Variants in NRXN1 observed in about 807,000 individuals in gnomAD.
The protein encoded by NRXN1 is neurexin 1, also known as neurexin-1.
Under a neutral mutation model 150.9 loss-of-function variants are expected in NRXN1, and 39 were observed. The observed-to-expected ratio is 0.26, with a 90% CI of 0.20 to 0.34. NRXN1 has a LOEUF of 0.34. Among genes scored for constraint, NRXN1 ranks in the 10% least tolerant of loss-of-function variants. The pLI is 1.00. For missense variants in NRXN1, 1,815 were observed against 1,949.9 expected (o/e 0.93, Z 1.30); for synonymous variants, 924 against 757.0 (o/e 1.22, Z -3.62).
chr2:50,849,525 C>G (rs1330272851), intron 5 of NRXN1, among the ~76,000 whole-genome samples: 3 of 152,160 alleles, frequency 2.0e-5, no homozygotes, highest in Non-Finnish European at 4.4e-5. Flanking sequence ...GGATGACCAA[C>G]GTTACCCAAT....
chr2:50,413,332 A>T (rs1042415439), intron 17 of NRXN1, among the ~76,000 whole-genome samples: 14 of 152,348 alleles, frequency 9.2e-5, no homozygotes, highest in African/African-American at 3.1e-4. Context: ...CATATGAAAA[A>T]GTGTTCAATA....
chr2:50,410,461 C>G (rs1263140835), intron 17 of NRXN1, among the ~76,000 whole-genome samples: 1 of 152,160 alleles, frequency 6.6e-6, no homozygotes, highest in African/African-American at 2.4e-5. Flanking sequence ...AATGCATGTT[C>G]TCATATGTGT....
chr2:50,910,583 C>T lies in NRXN1; in HGVS notation c.832+11286G>A, dbSNP rs866455029. ...CATCTTTCATGTACCAAGCTCTACC[C>T]TTAATTCAAAACTGAAAATATCAAA... is the stretch of plus-strand genomic sequence containing the variant. On this transcript the variant is annotated intron_variant, in intron 5 of 22. Coordinates refer to ENST00000401669, the MANE Select transcript of NRXN1 (RefSeq NM_001330078.2). Among the ~76,000 whole-genome samples, 7 of 152,016 alleles carry T rather than the reference C, an allele frequency of 4.6e-5. No individual in the cohort carries two copies. The South Asian group carries it at 1.4e-3, about 31-fold the overall frequency.
intron 5 of NRXN1, among the ~76,000 whole-genome samples, chr2:50,804,791 T>C (rs573281553): frequency 2.0e-5 from 3 of 152,224 alleles, no homozygotes; most frequent in African/African-American, 7.2e-5. Context: ...TCTGCAGCTA[T>C]GCTATTTCTT....
At chr2:50,092,894 G>A (rs768782982) in intron 18 of NRXN1, among the ~76,000 whole-genome samples, 6 of 151,906 alleles carry the variant, frequency 3.9e-5, no homozygotes, top group Non-Finnish European at 8.8e-5. Context: ...TAGGCTTGAC[G>A]GATGGTTTAA....
intron 18 of NRXN1, among the ~76,000 whole-genome samples, chr2:50,160,186 TG>T (rs1296300557): frequency 6.0e-5 from 6 of 100,258 alleles, no homozygotes; most frequent in Non-Finnish European, 9.7e-5. Flanking sequence ...CAAGGATATA[TG>T]ATTTTTTCTT....
intron 5 of NRXN1, among the ~76,000 whole-genome samples, chr2:50,651,260 C>G (rs886586462): frequency 2.0e-5 from 3 of 151,736 alleles, no homozygotes; most frequent in African/African-American, 7.3e-5. Context: ...TCTGGCCATC[C>G]TGAAAAATAA....
At chr2:50,335,110 C>A (rs2077095450) in intron 17 of NRXN1, among the ~76,000 whole-genome samples, 1 of 151,982 alleles carries the variant, frequency 6.6e-6, no homozygotes, top group African/African-American at 2.4e-5. Flanking sequence ...ATACACAGTC[C>A]CCAAAAGAAC....
chr2:50,563,278 T>C (rs1416883457), intron 8 of NRXN1, among the ~76,000 whole-genome samples: 1 of 152,240 alleles, frequency 6.6e-6, no homozygotes, highest in Non-Finnish European at 1.5e-5. Context: ...ATTTGCAAAG[T>C]TATAACGCAT....
chr2:50,437,843 G>A (rs913837288), intron 17 of NRXN1, among the ~76,000 whole-genome samples: 1 of 152,130 alleles, frequency 6.6e-6, no homozygotes. Context: ...CATCCTCTGA[G>A]CCAGAAACTG....
chr2:50,065,038 A>G lies in NRXN1; in HGVS notation c.3719-9994T>C, dbSNP rs74342243. On this transcript the variant is annotated intron_variant, in intron 19 of 22. Transcript: ENST00000401669. ...GACTAGACCAGACAGTAAAGCTACA[A>G]TTAAGTTTCATGCATGCTGGGAAAT... Among the ~76,000 whole-genome samples, 505 of 152,314 alleles carry G rather than the reference A, an allele frequency of 3.3e-3. 4 individuals are homozygous for G. The highest frequency in any genetic ancestry group is 5.9e-3 in the Non-Finnish European group (403 of 68,008).
chr2:49,925,527 C>G (rs888461148), intron 22 of NRXN1, among the ~76,000 whole-genome samples: 6 of 151,302 alleles, frequency 4.0e-5, no homozygotes, highest in African/African-American at 1.5e-4. Context: ...ATAATTTGTT[C>G]AAAATTTATA....
At chr2:50,082,650 T>G (rs1226714484) in intron 19 of NRXN1, among the ~76,000 whole-genome samples, 12 of 152,210 alleles carry the variant, frequency 7.9e-5, no homozygotes, top group Admixed American at 7.9e-4. Flanking sequence ...TGTTTCAAAA[T>G]ATATTTAACT....
intron 18 of NRXN1, among the ~76,000 whole-genome samples, chr2:50,159,404 T>A (rs914663915): frequency 6.6e-6 from 1 of 152,134 alleles, no homozygotes; most frequent in Non-Finnish European, 1.5e-5. Context: ...TGTTCTATCA[T>A]TGGAAGAACT....
chr2:50,994,479 G>C (rs1698988220), intron 2 of NRXN1, among the ~76,000 whole-genome samples: 1 of 152,020 alleles, frequency 6.6e-6, no homozygotes, highest in Non-Finnish European at 1.5e-5. Context: ...TTTGACAAGA[G>C]AAGAACATAG....
intron 5 of NRXN1, among the ~76,000 whole-genome samples, chr2:50,844,209 T>G (rs1238991257): frequency 6.6e-6 from 1 of 152,164 alleles, no homozygotes; most frequent in Non-Finnish European, 1.5e-5. Context: ...ACATAAGTCC[T>G]TCCCCCAGTT....
intron 5 of NRXN1, among the ~76,000 whole-genome samples, chr2:50,655,032 C>A (rs1686215033): frequency 6.6e-6 from 1 of 151,876 alleles, no homozygotes. Flanking sequence ...GAAAACATGT[C>A]AGATCTTGAT....
At chr2:50,789,896 A>G (rs1559265592) in intron 5 of NRXN1, among the ~76,000 whole-genome samples, 1 of 152,162 alleles carries the variant, frequency 6.6e-6, no homozygotes, top group Non-Finnish European at 1.5e-5. Context: ...GTTTGGATAA[A>G]GAGGAATTCC....
chr2:50,700,231 A>C (rs967162840), intron 5 of NRXN1, among the ~76,000 whole-genome samples: 1 of 152,182 alleles, frequency 6.6e-6, no homozygotes, highest in African/African-American at 2.4e-5. Context: ...GTCAAATGAG[A>C]TTGCTCCACC....
Sources: gnomAD v4.1 joint callset for allele counts (sites outside exome capture counted in the v4.1 genomes callset) on GRCh38, gnomAD v4.1.1 for gene constraint, MANE v1.5 for transcripts, NCBI Gene and HGNC (gene_info 2026-07-23, HGNC 2026-07-21) for gene names.